Variants in GPC6 observed in about 807,000 individuals in gnomAD.
GPC6 encodes glypican 6.
Under a neutral mutation model 55.2 loss-of-function variants are expected in GPC6, and 14 were observed. The observed-to-expected ratio is 0.25, with a 90% CI of 0.17 to 0.40. The LOEUF is 0.40. Among genes scored for constraint, GPC6 ranks in the 10% least tolerant of loss-of-function variants. GPC6 has a pLI of 1.00. For missense variants in GPC6, 641 were observed against 708.5 expected (o/e 0.90, Z 1.08); for synonymous variants, 278 against 259.6 (o/e 1.07, Z -0.68).
chr13:93,325,184 T>A (rs536953398), intron 1 of GPC6, among the ~76,000 whole-genome samples: 15 of 152,192 alleles, frequency 9.9e-5, no homozygotes, highest in Non-Finnish European at 1.8e-4. Context: ...TTATAATTTC[T>A]AGCCAGTTAG....
intron 4 of GPC6, among the ~76,000 whole-genome samples, chr13:94,217,594 A>C (rs1447954098): frequency 1.3e-5 from 2 of 152,168 alleles, no homozygotes; most frequent in Non-Finnish European, 2.9e-5. Context: ...CTGTCTCATC[A>C]TTGTTCAGGA....
intron 1 of GPC6, among the ~76,000 whole-genome samples, chr13:93,476,624 A>G (rs957766829): frequency 1.3e-5 from 2 of 152,168 alleles, no homozygotes; most frequent in Non-Finnish European, 2.9e-5. Flanking sequence ...TGCTTTTCCA[A>G]ACTTTCACAT....
chr13:93,825,864 T>TC (rs2138973271), intron 2 of GPC6, among the ~76,000 whole-genome samples: 2 of 145,114 alleles, frequency 1.4e-5, no homozygotes, highest in South Asian at 2.2e-4. Flanking sequence ...TATTTTCTTT[T>TC]TTTTTTTTTT....
At chr13:93,536,741 A>G (rs981089902) in intron 1 of GPC6, among the ~76,000 whole-genome samples, 1 of 152,178 alleles carries the variant, frequency 6.6e-6, no homozygotes, top group African/African-American at 2.4e-5. Flanking sequence ...TCTTCTGCCC[A>G]TTAGTAAATC....
chr13:93,809,921 T>C (rs919859561), intron 2 of GPC6, among the ~76,000 whole-genome samples: 1 of 152,128 alleles, frequency 6.6e-6, no homozygotes, highest in Non-Finnish European at 1.5e-5. Context: ...CAACTTTAAT[T>C]TACATTCCTT....
intron 2 of GPC6, among the ~76,000 whole-genome samples, chr13:93,612,504 C>CACACACACACAG (rs1878521733): frequency 7.9e-6 from 1 of 126,448 alleles, no homozygotes; most frequent in East Asian, 2.1e-4. Context: ...GTCTAAAACA[C>CACACACACACAG]ACACACACAC....
intron 7 of GPC6, among the ~76,000 whole-genome samples, chr13:94,397,011 A>T (rs1410666883): frequency 6.6e-6 from 1 of 152,196 alleles, no homozygotes. Context: ...CTGAATTTAA[A>T]GATGTGCGTC....
chr13:93,228,623 C>A (rs578231743), intron 1 of GPC6, among the ~76,000 whole-genome samples: 1 of 152,230 alleles, frequency 6.6e-6, no homozygotes, highest in South Asian at 2.1e-4. Context: ...TGAAACGTGT[C>A]GGGGAGAGAT....
chr13:93,906,330 C>A (rs1389793523), intron 3 of GPC6, among the ~76,000 whole-genome samples: 1 of 152,102 alleles, frequency 6.6e-6, no homozygotes, highest in Non-Finnish European at 1.5e-5. Context: ...AGTCCCAATT[C>A]CAAACTCTCA....
At chr13:94,052,149 T>C (rs1883970851) in intron 4 of GPC6, among the ~76,000 whole-genome samples, 5 of 152,154 alleles carry the variant, frequency 3.3e-5, no homozygotes, top group Admixed American at 3.3e-4. Context: ...GAAAATGCTA[T>C]AGCAAAACAG....
intron 4 of GPC6, among the ~76,000 whole-genome samples, chr13:94,176,230 C>G (rs1888763041): frequency 1.3e-5 from 2 of 151,958 alleles, no homozygotes; most frequent in African/African-American, 4.8e-5. Context: ...TGGGTTGTAG[C>G]ATTAACTAGG....
intron 1 of GPC6, among the ~76,000 whole-genome samples, chr13:93,263,195 A>T (rs1877209140): frequency 6.6e-6 from 1 of 152,126 alleles, no homozygotes; most frequent in African/African-American, 2.4e-5. Context: ...ATTCAACACC[A>T]TGTTGGAGCC....
chr13:93,514,148 C>G (rs1375310908), intron 1 of GPC6, among the ~76,000 whole-genome samples: 1 of 152,090 alleles, frequency 6.6e-6, no homozygotes, highest in Non-Finnish European at 1.5e-5. Context: ...GCTGGGATTA[C>G]AGGTGTGAGC....
intron 1 of GPC6, among the ~76,000 whole-genome samples, chr13:93,276,483 AGAGAGAGAGAGAGT>A (rs1277353891): frequency 1.1e-4 from 15 of 134,168 alleles, no homozygotes; most frequent in African/African-American, 3.9e-4. Flanking sequence ...AGAGAGAGAG[AGAGAGAGAGAGAGT>A]GTGTGTGTGT....
intron 2 of GPC6, among the ~76,000 whole-genome samples, chr13:93,563,612 A>G (rs1374318260): frequency 6.6e-6 from 1 of 152,142 alleles, no homozygotes; most frequent in Non-Finnish European, 1.5e-5. Flanking sequence ...ACGAGACAGG[A>G]CCAACTGGAA....
chr13:94,166,780 A>C (rs747368552), intron 4 of GPC6, among the ~76,000 whole-genome samples: 16 of 152,234 alleles, frequency 1.1e-4, no homozygotes, highest in Non-Finnish European at 2.4e-4. Flanking sequence ...CAAAGGACTC[A>C]TAATAAATAT....
intron 3 of GPC6, among the ~76,000 whole-genome samples, chr13:93,878,266 G>A (rs1254197998): frequency 6.6e-6 from 1 of 152,002 alleles, no homozygotes; most frequent in Non-Finnish European, 1.5e-5. Context: ...AGGTAATTAG[G>A]CCATGAGGGT....
intron 1 of GPC6, among the ~76,000 whole-genome samples, chr13:93,397,982 T>C (rs745839079): frequency 1.4e-4 from 22 of 152,212 alleles, no homozygotes; most frequent in Non-Finnish European, 2.6e-4. Flanking sequence ...TTTAATACTT[T>C]GGAACCAGTG....
intron 4 of GPC6, among the ~76,000 whole-genome samples, chr13:94,150,160 G>A (rs1316146017): frequency 6.6e-6 from 1 of 151,948 alleles, no homozygotes; most frequent in African/African-American, 2.4e-5. Context: ...ATGCATCCAG[G>A]TGCCCTCTTC....
Sources: gnomAD v4.1 joint callset for allele counts (sites outside exome capture counted in the v4.1 genomes callset) on GRCh38, gnomAD v4.1.1 for gene constraint, MANE v1.5 for transcripts, NCBI Gene and HGNC (gene_info 2026-07-23, HGNC 2026-07-21) for gene names.